TNRC6B: variants seen among roughly 807,000 people sequenced by gnomAD.
TNRC6B encodes the protein trinucleotide repeat-containing gene 6B protein.
Under a neutral mutation model 203.6 loss-of-function variants are expected in TNRC6B, and 52 were observed. The observed-to-expected ratio is 0.26, with a 90% CI of 0.20 to 0.32. The LOEUF (loss-of-function observed/expected upper bound fraction) is 0.32, where lower values mean the gene tolerates loss of function less well. Among genes scored for constraint, TNRC6B ranks in the 10% least tolerant of loss-of-function variants. The pLI is 1.00. For synonymous variants in TNRC6B, 838 were observed against 845.7 expected, an observed-to-expected ratio of 0.99 and a Z score of 0.16; for missense variants, 1,923 against 2,286.2, an observed-to-expected ratio of 0.84 and a Z score of 3.24.
intron 3 of TNRC6B, among the ~76,000 whole-genome samples, chr22:40,149,285 C>T (rs1222335275): frequency 6.6e-6 from 1 of 152,124 alleles, no homozygotes; most frequent in Middle Eastern, 3.2e-3. Context: ...TGTTTGATTC[C>T]ACTTATGGAA....
chr22:40,257,103 C>A (rs897084916), intron 3 of TNRC6B, among the ~76,000 whole-genome samples: 13 of 152,184 alleles, frequency 8.5e-5, no homozygotes, highest in African/African-American at 3.1e-4. Context: ...CCTAGAATAT[C>A]TTTTCTAGGC....
At position 40,273,438 on chromosome 22, in the gene TNRC6B, G is replaced by T. The variant is rs765765782; in HGVS notation, c.2979G>T (p.Met993Ile). The T allele has an allele frequency of 1.1e-5, 18 of 1,607,702 alleles. No homozygotes were observed. The highest frequency in any genetic ancestry group is 1.4e-5 in the Non-Finnish European group (17 of 1,177,264). The change falls in exon 7 of 23, where the codon ATG becomes ATT. Residue 993 changes from methionine (M) to isoleucine (I), a missense_variant. Around this residue, in one of 8 missense-constraint regions of TNRC6B, gnomAD observed 599 missense variants for 656.5 expected, o/e 0.91. Transcript: ENST00000454349. The part of the protein sequence containing the change: ...PNAMKPNSKS[M>I]QDGWGESDGP... ...CTTTCCTTAAAGATTCCAAATCTAT[G>T]CAAGACGGCTGGGGGGAGAGTGACG...
chr22:40,169,134 T>C (rs1435180220), intron 4 of TNRC6B, among the ~76,000 whole-genome samples: 4 of 147,282 alleles, frequency 2.7e-5, no homozygotes, highest in African/African-American at 1.0e-4. Context: ...AATCTTCTTT[T>C]TTTTTTTTTT....
At chr22:40,140,186 G>T (rs1232080980) in intron 3 of TNRC6B, among the ~76,000 whole-genome samples, 1 of 151,938 alleles carries the variant, frequency 6.6e-6, no homozygotes, top group Non-Finnish European at 1.5e-5. Context: ...GGCAAAACCA[G>T]TATACCAGCA....
Position 40,332,467 on chromosome 22 carries a change from T to G in TNRC6B, c.*9226T>G, listed in dbSNP as rs1422652154. ...TCATAGCGCCTGCATTGCTCTGGTC[T>G]AGGCATTATTTGCAACACACAGTAT... On this transcript the variant is annotated 3_prime_UTR_variant, in exon 23 of 23. Transcript: ENST00000454349. The G allele has an allele frequency of 6.6e-6, 1 of 152,660 alleles. No individual in the cohort carries two copies. Among genetic ancestry groups the G allele is most frequent in the African/African-American group, 2.4e-5 (1 of 41,468 alleles). 9.5% of individuals were successfully genotyped at this position (152,660 alleles called of 1,614,324 possible). A position where few individuals can be genotyped will look rare whatever the true frequency, so the allele number is the denominator to read the frequency against.
At chr22:40,229,346 G>A (rs2069835238) in intron 1 of TNRC6B, among the ~76,000 whole-genome samples, 1 of 152,104 alleles carries the variant, frequency 6.6e-6, no homozygotes, top group African/African-American at 2.4e-5. Context: ...GCACACCCAG[G>A]GTGAAATTTC....
At chr22:40,204,306 C>A (rs1352601393) in intron 1 of TNRC6B, among the ~76,000 whole-genome samples, 1 of 152,194 alleles carries the variant, frequency 6.6e-6, no homozygotes, top group African/African-American at 2.4e-5. Context: ...GAAATGTAAG[C>A]CTCTGGCATT....
At chr22:40,154,887 ATAT>A (rs2068805263) in intron 3 of TNRC6B, among the ~76,000 whole-genome samples, 1 of 47,454 alleles carries the variant, frequency 2.1e-5, no homozygotes, top group Non-Finnish European at 3.7e-5. Flanking sequence ...ATATATATAT[ATAT>A]ATATACATAT....
rs573897243 is a variant in TNRC6B at position 40,326,165 on chromosome 22, A to G, written c.*2924A>G. 1 of 152,680 alleles carries G rather than the reference A, an allele frequency of 6.5e-6. No homozygotes were observed. Among genetic ancestry groups the G allele is most frequent in the South Asian group, 2.1e-4 (1 of 4,828 alleles). The allele number at this position is 152,680 out of a possible 1,614,324, so 9.5% of individuals were successfully genotyped here. The stretch of plus-strand genomic sequence containing the variant: ...TTTTCCTGCTTTAAAATTTGCAAGC[A>G]TTCTCAGGAATTCTAGGGTAGGAAG... On this transcript the variant is annotated 3_prime_UTR_variant, in exon 23 of 23. Coordinates refer to ENST00000454349, the MANE Select transcript of TNRC6B (RefSeq NM_001162501.2).
At chr22:40,061,026 C>T (rs905605965) in intron 1 of TNRC6B, among the ~76,000 whole-genome samples, 2 of 152,168 alleles carry the variant, frequency 1.3e-5, no homozygotes, top group Non-Finnish European at 2.9e-5. Flanking sequence ...ACCCAAGAGC[C>T]AACCTTTTTG....
intron 1 of TNRC6B, among the ~76,000 whole-genome samples, chr22:40,182,719 C>T (rs930735871): frequency 3.3e-5 from 5 of 152,188 alleles, no homozygotes; most frequent in Admixed American, 6.5e-5. Context: ...ACTGAGATAA[C>T]TCCTTAGTTA....
chr22:40,263,892 G>A (rs1443010480), intron 4 of TNRC6B, among the ~76,000 whole-genome samples: 1 of 152,246 alleles, frequency 6.6e-6, no homozygotes, highest in East Asian at 1.9e-4. Context: ...TCTAACGTTA[G>A]CAAGTTAGGG....
At chr22:40,059,734 G>A (rs1026278017) in intron 1 of TNRC6B, among the ~76,000 whole-genome samples, 4 of 151,078 alleles carry the variant, frequency 2.6e-5, no homozygotes, top group African/African-American at 9.7e-5. Context: ...CTGTTAACAT[G>A]GTAAATTATT....
chr22:40,261,937 C>T lies in TNRC6B; in HGVS notation c.221C>T (p.Ala74Val), dbSNP rs1302330477. ...GGTGGCAACAATGCCAAAAGGGTGG[C>T]AGTGCCGAACGGACAACCGCCAAGC... ...VNGGNNAKRV[A>V]VPNGQPPSAA... Residue 74 changes from alanine (A) to valine (V), a missense_variant, in exon 4 of 23, where the codon GCA becomes GTA. Physicochemically the swap from Ala to Val is moderately conservative, Grantham distance 64. This residue lies in a region of TNRC6B where 111 missense variants were observed against 155.3 expected (regional missense o/e 0.71). Transcript: ENST00000454349. 4 of 1,612,598 alleles carry T rather than the reference C, an allele frequency of 2.5e-6. No individual in the cohort carries two copies. Among genetic ancestry groups the T allele is most frequent in the Admixed American group, 1.7e-5 (1 of 60,020 alleles).
intron 1 of TNRC6B, among the ~76,000 whole-genome samples, chr22:40,215,976 C>A (rs2069629441): frequency 6.6e-6 from 1 of 152,184 alleles, no homozygotes; most frequent in African/African-American, 2.4e-5. Context: ...CCTATGCTCT[C>A]AGGTAAAAGA....
In TNRC6B at chr22:40,202,767, C is replaced by CTGCG. The variant is rs572752002; in HGVS notation, c.5+24630_5+24633dup. Among the ~76,000 whole-genome samples the CTGCG allele has an allele frequency of 2.0e-3, 305 of 152,166 alleles. 2 individuals carry two copies. The highest frequency in any genetic ancestry group is 7.2e-3 in the African/African-American group (298 of 41,526). On this transcript the variant is annotated intron_variant, in intron 1 of 22. Transcript: ENST00000454349. ...CTGCTGGAAGAGGGCCAGGAGTAGA[C>CTGCG]TGCGTGGAGGGGATAACTGCAGGTG...
intron 4 of TNRC6B, among the ~76,000 whole-genome samples, chr22:40,264,063 G>A (rs1339186829): frequency 6.6e-6 from 1 of 152,220 alleles, no homozygotes; most frequent in Non-Finnish European, 1.5e-5. Flanking sequence ...AGAAGGATGA[G>A]TAAATTTCAC....
chr22:40,130,117 AT>A (rs1000954537), intron 3 of TNRC6B, among the ~76,000 whole-genome samples: 2 of 152,102 alleles, frequency 1.3e-5, no homozygotes. Flanking sequence ...CAAGTGAAAG[AT>A]TTTTTTTAAA....
At chr22:40,163,456 C>CAAAAAAA (rs1180212519) in intron 4 of TNRC6B, among the ~76,000 whole-genome samples, 5 of 7,000 alleles carry the variant, frequency 7.1e-4, no homozygotes, top group Non-Finnish European at 1.0e-3. Context: ...GACCCTGTCT[C>CAAAAAAA]AAAAAAAAAA....
Sources: allele counts gnomAD v4.1 joint callset (sites outside exome capture counted in the v4.1 genomes callset), GRCh38; gene constraint gnomAD v4.1.1; regional missense constraint gnomAD v4.1.1; transcripts MANE v1.5; gene names NCBI Gene and HGNC (gene_info 2026-07-23, HGNC 2026-07-21).